Variants in ATP13A5 observed in about 807,000 individuals in gnomAD.
The protein encoded by ATP13A5 is probable cation-transporting ATPase 13A5.
A neutral mutation model predicts 150.2 loss-of-function variants in ATP13A5; 149 were observed. That is an observed-to-expected ratio of 0.99 (90% CI 0.87 to 1.14). The LOEUF (loss-of-function observed/expected upper bound fraction) is 1.14. Among genes scored for constraint, ATP13A5 ranks in the 50% most tolerant of loss-of-function variants. The pLI is 0.00. For missense variants in ATP13A5, 1,383 were observed against 1,449.3 expected, an observed-to-expected ratio of 0.95 and a Z score of 0.74; for synonymous variants, 497 against 522.2, an observed-to-expected ratio of 0.95 and a Z score of 0.66.
intron 13 of ATP13A5, among the ~76,000 whole-genome samples, chr3:193,326,737 C>A (rs550676747): frequency 1.3e-5 from 2 of 152,284 alleles, no homozygotes; most frequent in East Asian, 3.9e-4. Context: ...ACTCTTTTTT[C>A]TCTGTTTTAT....
chr3:193,340,502 C>A, intron 9 of ATP13A5, among the ~76,000 whole-genome samples: 1 of 152,252 alleles, frequency 6.6e-6, no homozygotes, highest in South Asian at 2.1e-4. Context: ...GACAGGATAT[C>A]GATGTGAGAT....
rs376932279 is a variant in ATP13A5, at chr3:193,297,967, T to C, written c.2848+1164A>G. Among the ~76,000 whole-genome samples, 4 of 152,250 alleles carry C rather than the reference T, an allele frequency of 2.6e-5. No individual in the cohort carries two copies. The East Asian group carries it at 5.8e-4, about 22-fold the overall frequency. On this transcript the variant is annotated intron_variant, in intron 25 of 29. Coordinates refer to ENST00000342358, the MANE Select transcript of ATP13A5 (RefSeq NM_198505.4). ...TTCAAGTGCTCAGAGAGCTAGTCAGTCTTCTCAAAAGAGGAAAAGGAGGAG... is the reference window on the plus strand; with the variant it reads ...TTCAAGTGCTCAGAGAGCTAGTCAGCCTTCTCAAAAGAGGAAAAGGAGGAG...
At chr3:193,313,975 G>A in intron 19 of ATP13A5, 58 bp downstream of exon 19, 1 of 1,579,114 alleles carries the variant, frequency 6.3e-7, no homozygotes, top group Non-Finnish European at 8.7e-7. Flanking sequence ...GCTGAGCAGT[G>A]CCAGGACTGT....
At chr3:193,307,180 C>T (rs976960839) in intron 22 of ATP13A5, 147 bp downstream of exon 22, 39 of 1,502,232 alleles carry the variant, frequency 2.6e-5, no homozygotes, top group Non-Finnish European at 3.3e-5. Context: ...CGCTTCCAAC[C>T]CACACTCAGG....
intron 18 of ATP13A5, 83 bp downstream of exon 18, chr3:193,314,889 A>G: frequency 6.5e-7 from 1 of 1,531,030 alleles, no homozygotes; most frequent in Non-Finnish European, 8.9e-7. Flanking sequence ...TGTCTCTGAT[A>G]CATGAACTCA....
At chr3:193,315,669 C>A (rs962207708) in intron 17 of ATP13A5, among the ~76,000 whole-genome samples, 2 of 152,172 alleles carry the variant, frequency 1.3e-5, no homozygotes, top group African/African-American at 4.8e-5. Flanking sequence ...GAAATGGAAT[C>A]ACTCTTGGGT....
At chr3:193,351,636 G>A (rs536852849) in intron 6 of ATP13A5, among the ~76,000 whole-genome samples, 15 of 152,224 alleles carry the variant, frequency 9.9e-5, no homozygotes, top group Non-Finnish European at 1.6e-4. Flanking sequence ...GTTGCGCAAT[G>A]AAAATGAAAG....
chr3:193,343,057 TAATGTAA>T (rs1349665129), intron 9 of ATP13A5, among the ~76,000 whole-genome samples: 2 of 152,222 alleles, frequency 1.3e-5, no homozygotes, highest in African/African-American at 4.8e-5. Context: ...AGACCCATTT[TAATGTAA>T]AATCTGCTTG....
intron 7 of ATP13A5, among the ~76,000 whole-genome samples, chr3:193,345,362 T>A (rs1270151551): frequency 6.6e-6 from 1 of 152,008 alleles, no homozygotes; most frequent in Non-Finnish European, 1.5e-5. Context: ...TAAAAGAAAC[T>A]TTAGACAAAT....
Position 193,285,094 on chromosome 3 carries a change from TTTGG to T in ATP13A5, c.3042_3045del (p.Asn1014LysfsTer8), listed in dbSNP as rs769392296. On this transcript the variant is annotated frameshift_variant, in exon 27 of 30. Transcript: ENST00000342358. LOFTEE classifies it high-confidence loss of function. ...AAACTCACATTTGTTGAAAAATTAC[TTTGG>T]TTGGCCAGAAAACACTCACTACAAA... The T allele has an allele frequency of 3.1e-5, 50 of 1,613,810 alleles. No homozygotes were observed. In the South Asian group the frequency reaches 4.0e-4, roughly 13 times the overall value.
chr3:193,353,445 G>T (rs1325467506), intron 6 of ATP13A5, among the ~76,000 whole-genome samples: 1 of 152,040 alleles, frequency 6.6e-6, no homozygotes, highest in Admixed American at 6.5e-5. Context: ...AAGACCAAAA[G>T]AATACATTTC....
Position 193,288,218 on chromosome 3 carries a change from C to T in ATP13A5, c.3023+1667G>A, listed in dbSNP as rs564846335. On this transcript the variant is annotated intron_variant, in intron 26 of 29. Transcript: ENST00000342358. ...GTATTTAGAATATTATATAAACTTA[C>T]TTGACAAAGCATCAGCAGGGTTTGC... Among the ~76,000 whole-genome samples the T allele has an allele frequency of 9.2e-5, 14 of 152,212 alleles. No homozygotes were observed. In the South Asian group the frequency reaches 2.7e-3, roughly 29 times the overall value.
intron 9 of ATP13A5, among the ~76,000 whole-genome samples, chr3:193,338,503 G>T (rs1278265523): frequency 6.6e-6 from 1 of 152,188 alleles, no homozygotes; most frequent in Admixed American, 6.5e-5. Context: ...TGTGGGTTTT[G>T]TCTTTGGTTC....
At chr3:193,369,507 T>C (rs1282679639) in intron 1 of ATP13A5, among the ~76,000 whole-genome samples, 1 of 152,188 alleles carries the variant, frequency 6.6e-6, no homozygotes, top group Non-Finnish European at 1.5e-5. Flanking sequence ...AATTAGATTG[T>C]ATAAATGATT....
At position 193,348,564 on chromosome 3, in the gene ATP13A5, G is replaced by A. The variant is rs938082838; in HGVS notation, c.741+2503C>T. The stretch of plus-strand genomic sequence containing the variant: ...ACTTGTTAGAAAGGGACGGAAGCGG[G>A]AGGGTTTCTTGGCTTAGGAAAGGTA... On this transcript the variant is annotated intron_variant, in intron 7 of 29. Coordinates refer to ENST00000342358, the MANE Select transcript of ATP13A5 (RefSeq NM_198505.4). Among the ~76,000 whole-genome samples the A allele has an allele frequency of 5.9e-5, 9 of 152,316 alleles. No homozygotes were observed. In the East Asian group the frequency reaches 1.5e-3, roughly 26 times the overall value.
intron 14 of ATP13A5, chr3:193,323,220 T>C (rs1402846007): frequency 6.6e-6 from 1 of 152,236 alleles, no homozygotes; most frequent in Non-Finnish European, 1.5e-5. Flanking sequence ...CTGTTTAATC[T>C]TGGGGACACC....
chr3:193,371,653 G>A (rs1441528943), intron 1 of ATP13A5, among the ~76,000 whole-genome samples: 1 of 152,146 alleles, frequency 6.6e-6, no homozygotes, highest in Non-Finnish European at 1.5e-5. Context: ...GCGACTCTCA[G>A]TCTTAGCAAC....
intron 27 of ATP13A5, among the ~76,000 whole-genome samples, chr3:193,281,547 G>C (rs1717494798): frequency 6.6e-6 from 1 of 152,156 alleles, no homozygotes; most frequent in African/African-American, 2.4e-5. Context: ...GGTAAGGTTA[G>C]TAATGTTCAC....
chr3:193,276,692 T>C, intron 29 of ATP13A5, 58 bp downstream of exon 29: 2 of 1,279,818 alleles, frequency 1.6e-6, no homozygotes, highest in Admixed American at 2.0e-5. Context: ...AAGCACCTGC[T>C]GAAAATGAGA....
Sources: allele counts gnomAD v4.1 joint callset (sites outside exome capture counted in the v4.1 genomes callset), GRCh38; gene constraint gnomAD v4.1.1; transcripts MANE v1.5; gene names NCBI Gene and HGNC (gene_info 2026-07-23, HGNC 2026-07-21).